Variants in BRINP1 observed in about 807,000 individuals in gnomAD.
The protein encoded by BRINP1 is BMP/retinoic acid inducible neural specific 1.
A neutral mutation model predicts 72.9 loss-of-function variants in BRINP1; 17 were observed. That is an observed-to-expected ratio of 0.23 (90% CI 0.16 to 0.35). The LOEUF is 0.35. Among genes scored for constraint, BRINP1 ranks in the 10% least tolerant of loss-of-function variants. The pLI is 1.00. For synonymous variants in BRINP1, 418 were observed against 378.5 expected, an observed-to-expected ratio of 1.10 and a Z score of -1.21; for missense variants, 850 against 1,001.6, an observed-to-expected ratio of 0.85 and a Z score of 2.04.
chr9:119,249,668 C>T (rs1320788267), intron 2 of BRINP1, among the ~76,000 whole-genome samples: 1 of 152,146 alleles, frequency 6.6e-6, no homozygotes, highest in Non-Finnish European at 1.5e-5. Flanking sequence ...AGTTGTCTGT[C>T]CATCTCTCTT....
At chr9:119,201,904 A>ATTTCCCTCTCTCTTCTTTT (rs1829809035) in intron 7 of BRINP1, among the ~76,000 whole-genome samples, 2 of 151,500 alleles carry the variant, frequency 1.3e-5, no homozygotes, top group Non-Finnish European at 2.9e-5. Context: ...TTTCTACCTT[A>ATTTCCCTCTCTCTTCTTTT]TTTCCCTCTC....
intron 5 of BRINP1, among the ~76,000 whole-genome samples, chr9:119,224,106 A>G (rs3780723): frequency 0.19 from 29,090 of 152,068 alleles, 3,095 homozygotes; most frequent in Non-Finnish European, 0.25. Flanking sequence ...AGCCAGTTCT[A>G]TACTGGATGC....
At chr9:119,254,636 C>T (rs939686800) in intron 2 of BRINP1, among the ~76,000 whole-genome samples, 1 of 152,100 alleles carries the variant, frequency 6.6e-6, no homozygotes, top group Non-Finnish European at 1.5e-5. Flanking sequence ...CAAGAAAAGT[C>T]AAAAGAAGGT....
intron 1 of BRINP1, among the ~76,000 whole-genome samples, chr9:119,324,267 C>T (rs986594275): frequency 6.6e-6 from 1 of 152,024 alleles, no homozygotes; most frequent in Non-Finnish European, 1.5e-5. Context: ...ATCTTCAAGA[C>T]TCATCCCACA....
chr9:119,197,986 CA>C (rs1388415128), intron 7 of BRINP1, among the ~76,000 whole-genome samples: 5 of 152,054 alleles, frequency 3.3e-5, no homozygotes, highest in Non-Finnish European at 5.9e-5. Context: ...AAAAAATCTG[CA>C]AACATTTGTT....
At chr9:119,335,454 T>A (rs1831337658) in intron 1 of BRINP1, among the ~76,000 whole-genome samples, 2 of 152,230 alleles carry the variant, frequency 1.3e-5, no homozygotes, top group Admixed American at 6.5e-5. Flanking sequence ...AGGTACCTAC[T>A]GGATACCTTT....
chr9:119,231,796 T>C (rs892438598), intron 5 of BRINP1, among the ~76,000 whole-genome samples: 2 of 152,144 alleles, frequency 1.3e-5, no homozygotes, highest in African/African-American at 4.8e-5. Context: ...AGCTTCCTTT[T>C]CTTGTTCCTC....
At chr9:119,350,389 C>G (rs971696457) in intron 1 of BRINP1, among the ~76,000 whole-genome samples, 1 of 152,134 alleles carries the variant, frequency 6.6e-6, no homozygotes, top group African/African-American at 2.4e-5. Context: ...CTGGAAAACA[C>G]ACAGCCACGT....
intron 2 of BRINP1, among the ~76,000 whole-genome samples, chr9:119,286,165 C>A (rs1463410550): frequency 6.6e-6 from 1 of 152,054 alleles, no homozygotes; most frequent in Non-Finnish European, 1.5e-5. Context: ...TTACCAGCAA[C>A]TTTTTCCACT....
intron 1 of BRINP1, among the ~76,000 whole-genome samples, chr9:119,340,377 T>TAG (rs1365972147): frequency 2.0e-5 from 3 of 151,280 alleles, no homozygotes; most frequent in Non-Finnish European, 4.4e-5. Context: ...AATCCATGAG[T>TAG]AGAGTCTCAT....
At chr9:119,314,877 C>T (rs1226483153) in intron 1 of BRINP1, among the ~76,000 whole-genome samples, 3 of 152,102 alleles carry the variant, frequency 2.0e-5, no homozygotes, top group Non-Finnish European at 4.4e-5. Context: ...ACAGTAAGTG[C>T]TCAATAAATG....
Position 119,282,764 on chromosome 9 carries a change from A to G in BRINP1, c.218+30374T>C, listed in dbSNP as rs184821918. On this transcript the variant is annotated intron_variant, in intron 2 of 7. Coordinates refer to ENST00000265922, the MANE Select transcript of BRINP1 (RefSeq NM_014618.3). ...TTGTTCCTTTATTTTCAAAAACCCCAAATTTAATTTTGCCCAGAAATAATG... is the reference window on the plus strand; with the variant it reads ...TTGTTCCTTTATTTTCAAAAACCCCGAATTTAATTTTGCCCAGAAATAATG... 1,627 of 980,812 alleles carry G rather than the reference A, an allele frequency of 1.7e-3. 2 individuals carry two copies. The highest frequency in any genetic ancestry group is 2.2e-3 in the Admixed American group (35 of 16,270). The allele number at this position is 980,812 out of a possible 1,614,324, so 60.8% of individuals were successfully genotyped here. A position where few individuals can be genotyped will look rare whatever the true frequency, so the allele number is the denominator to read the frequency against.
At chr9:119,242,268 A>G (rs72616627) in intron 3 of BRINP1, 52 bp from the exon 4 acceptor site, 3 of 517,188 alleles carry the variant, frequency 5.8e-6, no homozygotes, top group African/African-American at 1.7e-5. Flanking sequence ...TTCATGTGAG[A>G]GGACAGGGAT....
chr9:119,235,729 G>GATCTA (rs1830187185), intron 5 of BRINP1, among the ~76,000 whole-genome samples: 1 of 151,814 alleles, frequency 6.6e-6, no homozygotes, highest in South Asian at 2.1e-4. Flanking sequence ...ATATGCCTGG[G>GATCTA]GTCTAGTATT....
chr9:119,286,462 C>T (rs1354351549), intron 2 of BRINP1, among the ~76,000 whole-genome samples: 1 of 152,182 alleles, frequency 6.6e-6, no homozygotes, highest in Non-Finnish European at 1.5e-5. Context: ...TCTCCATCTC[C>T]TGACCTTGCG....
chr9:119,340,823 C>A (rs952221253), intron 1 of BRINP1, among the ~76,000 whole-genome samples: 2 of 152,172 alleles, frequency 1.3e-5, no homozygotes, highest in Admixed American at 6.5e-5. Context: ...TTAAATGTAT[C>A]AGTCCTTAAG....
intron 7 of BRINP1, among the ~76,000 whole-genome samples, chr9:119,202,646 A>G (rs1454269881): frequency 3.3e-5 from 5 of 152,156 alleles, no homozygotes; most frequent in African/African-American, 9.7e-5. Flanking sequence ...TTCCCTTGAT[A>G]TGTCCAGCTG....
chr9:119,319,983 A>C (rs1297108896), intron 1 of BRINP1, among the ~76,000 whole-genome samples: 1 of 152,260 alleles, frequency 6.6e-6, no homozygotes, highest in Admixed American at 6.5e-5. Context: ...TATAATAAAG[A>C]AATGAAGTCC....
At chr9:119,337,707 C>G (rs1437878949) in intron 1 of BRINP1, among the ~76,000 whole-genome samples, 1 of 152,244 alleles carries the variant, frequency 6.6e-6, no homozygotes, top group Non-Finnish European at 1.5e-5. Flanking sequence ...TTACTGCTGT[C>G]TTTACAGATA....
Sources: gnomAD v4.1 joint callset for allele counts (sites outside exome capture counted in the v4.1 genomes callset) on GRCh38, gnomAD v4.1.1 for gene constraint, MANE v1.5 for transcripts, NCBI Gene and HGNC (gene_info 2026-07-23, HGNC 2026-07-21) for gene names.